Variants in CKAP2L observed in about 807,000 individuals in gnomAD.
The protein encoded by CKAP2L is cytoskeleton-associated protein 2-like.
In CKAP2L, 42 loss-of-function variants were observed where a neutral mutation model predicts 65.7. The observed-to-expected ratio is 0.64, with a 90% CI of 0.50 to 0.83. The LOEUF is 0.83. Among genes scored for constraint, CKAP2L ranks in the 40% least tolerant of loss-of-function variants. The pLI is 0.00. For missense variants in CKAP2L, 908 were observed against 871.0 expected, an observed-to-expected ratio of 1.04 and a Z score of -0.53; for synonymous variants, 325 against 313.5, an observed-to-expected ratio of 1.04 and a Z score of -0.39.
chr2:112,746,653 C>CA, intron 5 of CKAP2L, 78 bp from the exon 6 acceptor site: 1 of 1,099,136 alleles, frequency 9.1e-7, no homozygotes, highest in Non-Finnish European at 1.3e-6. Flanking sequence ...TTTATTACAG[C>CA]AGGTATGCAG....
At chr2:112,752,703 C>T (rs1046574828) in intron 4 of CKAP2L, among the ~76,000 whole-genome samples, 1 of 152,186 alleles carries the variant, frequency 6.6e-6, no homozygotes, top group Non-Finnish European at 1.5e-5. Flanking sequence ...GCCAGCACTT[C>T]AGACTTCAAA....
intron 5 of CKAP2L, among the ~76,000 whole-genome samples, chr2:112,747,017 C>A (rs1177695963): frequency 1.3e-5 from 2 of 151,980 alleles, no homozygotes; most frequent in Admixed American, 1.3e-4. Flanking sequence ...TCTTGATCTC[C>A]TGACCTCGTG....
Position 112,756,277 on chromosome 2 carries a change from GTC to G in CKAP2L, c.1092_1093del (p.Gln364HisfsTer16), listed in dbSNP as rs755184431. On this transcript the variant is annotated frameshift_variant, in exon 4 of 9. Transcript: ENST00000302450. LOFTEE classifies it high-confidence loss of function. ...TTTTGACTTTTGCAGTACACATGAT[GTC>G]TGAGGTATACAAACTTGGCTGGACT... is the stretch of plus-strand genomic sequence containing the variant. 1.9e-5 allele frequency: 31 copies of G among 1,613,964 alleles called. No individual in the cohort carries two copies. Among genetic ancestry groups the G allele is most frequent in the Admixed American group, 1.0e-4 (6 of 60,002 alleles).
In CKAP2L at chr2:112,738,522, A is replaced by C. The variant is rs897862455; in HGVS notation, c.*301T>G. ...TGGGACCAACCTTCTGATATAAAAAACTATGTTGGGATTAAAGTAGATCAA... is the reference window on the plus strand; with the variant it reads ...TGGGACCAACCTTCTGATATAAAAACCTATGTTGGGATTAAAGTAGATCAA... On this transcript the variant is annotated 3_prime_UTR_variant, in exon 9 of 9. Transcript: ENST00000302450. The C allele has an allele frequency of 4.5e-5, 13 of 286,658 alleles. No individual in the cohort carries two copies. The highest frequency in any genetic ancestry group is 2.9e-4 in the African/African-American group (13 of 45,034). 17.8% of individuals were successfully genotyped at this position (286,658 alleles called of 1,614,324 possible). A position where few individuals can be genotyped will look rare whatever the true frequency, so the allele number is the denominator to read the frequency against.
chr2:112,750,389 G>A lies in CKAP2L; in HGVS notation c.1602+1878C>T, dbSNP rs186005222. On this transcript the variant is annotated intron_variant, in intron 5 of 8. Transcript: ENST00000302450. ...AGTGCCTGACAATTCTTGTCCGCCC[G>A]AGGCAGCCATGAATAAATGACCATG... Among the ~76,000 whole-genome samples, 122 of 152,304 alleles carry A rather than the reference G, an allele frequency of 8.0e-4. 1 individual carries two copies. The highest frequency in any genetic ancestry group is 3.1e-3 in the East Asian group (16 of 5,180).
At chr2:112,744,811 T>A (rs1011597953) in intron 6 of CKAP2L, among the ~76,000 whole-genome samples, 2 of 152,150 alleles carry the variant, frequency 1.3e-5, no homozygotes, top group African/African-American at 4.8e-5. Context: ...TGAAGCCCCA[T>A]CCATGTGTCT....
intron 1 of CKAP2L, chr2:112,764,113 G>A: frequency 4.5e-6 from 1 of 221,542 alleles, no homozygotes. Flanking sequence ...CAGGCTGAGA[G>A]GTGTGGAGTG....
chr2:112,756,427 T>G lies in CKAP2L; in HGVS notation c.944A>C (p.Glu315Ala). Reference protein sequence around the residue: ...VNRSQYERPNETKIRSYPVTE... With the variant: ...VNRSQYERPNATKIRSYPVTE... Reference sequence around the variant, plus strand: ...AACAGGGTATGACCGTATCTTAGTTTCATTTGGTCTTTCATATTGACTCCT... The same window carrying G: ...AACAGGGTATGACCGTATCTTAGTTGCATTTGGTCTTTCATATTGACTCCT... The change falls in exon 4 of 9, where the codon GAA becomes GCA. Residue 315 changes from glutamate to alanine, a missense_variant. Coordinates refer to ENST00000302450, the MANE Select transcript of CKAP2L (RefSeq NM_152515.5). 3 of 1,614,024 alleles carry G rather than the reference T, an allele frequency of 1.9e-6. No individual in the cohort carries two copies. The highest frequency in any genetic ancestry group is 2.5e-6 in the Non-Finnish European group (3 of 1,179,952).
intron 6 of CKAP2L, among the ~76,000 whole-genome samples, chr2:112,746,050 T>C (rs1183844775): frequency 2.0e-5 from 3 of 152,212 alleles, no homozygotes; most frequent in Non-Finnish European, 4.4e-5. Flanking sequence ...ACTATGTGCA[T>C]GTACAATTCT....
chr2:112,739,218 G>A (rs1218078294), intron 8 of CKAP2L, among the ~76,000 whole-genome samples, 170 bp from the exon 9 acceptor site: 2 of 152,030 alleles, frequency 1.3e-5, no homozygotes, highest in South Asian at 2.1e-4. Flanking sequence ...CTAGGAGTTC[G>A]AGACCAGCCT....
At position 112,762,563 on chromosome 2, in the gene CKAP2L, C is replaced by T. The variant is rs760673802; in HGVS notation, c.44G>A (p.Arg15Gln). ...AAGGTACTCCTGAAGCTTTCTCTGC[C>T]GCTCTTCTGCAACACAGGCAAGCAA... ...GPTAAAAVEE[R>Q]QRKLQEYLAA... Residue 15 changes from arginine to glutamine, a missense_variant, in exon 2 of 9, where the codon CGG becomes CAG. Arg to Gln is a conservative substitution (Grantham distance 43). Transcript: ENST00000302450. 2.9e-5 allele frequency: 47 copies of T among 1,613,300 alleles called. No homozygotes were observed. In the Admixed American group the frequency reaches 3.8e-4, roughly 13 times the overall value.
chr2:112,742,626 T>C (rs1680048628), intron 7 of CKAP2L, 80 bp downstream of exon 7: 1 of 980,534 alleles, frequency 1.0e-6, no homozygotes, highest in Non-Finnish European at 1.6e-6. Flanking sequence ...ATGATTCTTT[T>C]CTTCTTTTTC....
intron 4 of CKAP2L, among the ~76,000 whole-genome samples, chr2:112,752,721 C>T (rs1217948359): frequency 2.0e-5 from 3 of 152,100 alleles, no homozygotes; most frequent in Admixed American, 6.5e-5. Context: ...AAATAGAATT[C>T]GTGATTATGC....
chr2:112,753,979 G>A (rs967073678), intron 4 of CKAP2L, among the ~76,000 whole-genome samples: 1 of 152,162 alleles, frequency 6.6e-6, no homozygotes, highest in African/African-American at 2.4e-5. Flanking sequence ...CTCCACTAGA[G>A]TGTAAGCTCT....
At chr2:112,740,761 G>C (rs1283011289) in intron 8 of CKAP2L, 57 bp downstream of exon 8, 2 of 1,412,072 alleles carry the variant, frequency 1.4e-6, no homozygotes, top group South Asian at 2.6e-5. Flanking sequence ...AGGAAAAATC[G>C]AGACTTGGAC....
intron 7 of CKAP2L, 137 bp downstream of exon 7, chr2:112,742,569 G>A (rs1680046235): frequency 5.6e-6 from 4 of 714,652 alleles, no homozygotes; most frequent in Non-Finnish European, 7.7e-6. Context: ...GACAATGGCT[G>A]AAAGGGCCAG....
At position 112,738,446 on chromosome 2, in the gene CKAP2L, G is replaced by C. The variant is rs191863798; in HGVS notation, c.*377C>G. On this transcript the variant is annotated 3_prime_UTR_variant, in exon 9 of 9. Transcript: ENST00000302450. ...AAAGTTCAGATCTTCCACGATGAAA[G>C]AACTTGCCCTCTGCTAAGGTGGATG... 2 of 188,418 alleles carry C rather than the reference G, an allele frequency of 1.1e-5. No homozygotes were observed. Among genetic ancestry groups the C allele is most frequent in the South Asian group, 1.0e-4 (1 of 9,864 alleles). The allele number at this position is 188,418 out of a possible 1,614,324, so 11.7% of individuals were successfully genotyped here.
At chr2:112,760,585 A>G in intron 3 of CKAP2L, 128 bp downstream of exon 3, 1 of 550,346 alleles carries the variant, frequency 1.8e-6, no homozygotes, top group Admixed American at 3.5e-5. Context: ...TTATTAAACC[A>G]AACTGTTTTT....
In CKAP2L at chr2:112,738,949, C is replaced by A; in HGVS notation, c.2112G>T (p.Leu704=). The A allele has an allele frequency of 2.5e-6, 4 of 1,614,186 alleles. No individual in the cohort carries two copies. The highest frequency in any genetic ancestry group is 2.5e-6 in the Non-Finnish European group (3 of 1,180,030). Residue 704 remains leucine, a synonymous_variant, in exon 9 of 9, where the codon CTG becomes CTT. Coordinates refer to ENST00000302450, the MANE Select transcript of CKAP2L (RefSeq NM_152515.5). ...ERAVSRYPEM[L]QEHDLVVASL... ...AAGCCACTACTAAATCGTGTTCCTG[C>A]AGCATTTCTGGGTAGCGGGACACTG...
Sources: gnomAD v4.1 joint callset for allele counts (sites outside exome capture counted in the v4.1 genomes callset) on GRCh38, gnomAD v4.1.1 for gene constraint, MANE v1.5 for transcripts, NCBI Gene and HGNC (gene_info 2026-07-23, HGNC 2026-07-21) for gene names.